ADAMTS16: variants seen among roughly 807,000 people sequenced by gnomAD.
The protein encoded by ADAMTS16 is A disintegrin and metalloproteinase with thrombospondin motifs 16.
In ADAMTS16, 94 loss-of-function variants were observed where a neutral mutation model predicts 145.8. The ratio of observed to expected loss-of-function variants is 0.64; its 90% CI spans 0.55 to 0.77. ADAMTS16 has a LOEUF of 0.77. Ranked by LOEUF, ADAMTS16 falls within the 30% of genes least tolerant of loss-of-function variation. The pLI is 0.00. For synonymous variants in ADAMTS16, 659 were observed against 604.3 expected, an observed-to-expected ratio of 1.09 and a Z score of -1.33; for missense variants, 1,585 against 1,591.5, an observed-to-expected ratio of 1.00 and a Z score of 0.07.
In ADAMTS16 at chr5:5,227,149, C is replaced by T. The variant is rs1260261418; in HGVS notation, c.1701+4265C>T. ...GGCTCAGAGCACATGGGTGCCTTCC[C>T]CAGGTCACGCAGCTCGCAGAGCAGA... On this transcript the variant is annotated intron_variant, in intron 11 of 22. Coordinates refer to ENST00000274181, the MANE Select transcript of ADAMTS16 (RefSeq NM_139056.4). Among the ~76,000 whole-genome samples the T allele has an allele frequency of 9.2e-5, 14 of 152,248 alleles. 1 individual carries two copies. Among genetic ancestry groups the T allele is most frequent in the Admixed American group, 8.5e-4 (13 of 15,286 alleles).
At chr5:5,300,942 T>G (rs1213150855) in intron 18 of ADAMTS16, among the ~76,000 whole-genome samples, 1 of 152,356 alleles carries the variant, frequency 6.6e-6, no homozygotes, top group Non-Finnish European at 1.5e-5. Flanking sequence ...TTGTATTTTC[T>G]TACTTAGATA....
At chr5:5,272,430 C>T (rs1163700907) in intron 18 of ADAMTS16, among the ~76,000 whole-genome samples, 7 of 145,634 alleles carry the variant, frequency 4.8e-5, no homozygotes, top group Admixed American at 1.4e-4. Flanking sequence ...GGCGCAATCT[C>T]GGCTCACTGC....
At chr5:5,219,972 T>G (rs1212818031) in intron 10 of ADAMTS16, among the ~76,000 whole-genome samples, 1 of 152,130 alleles carries the variant, frequency 6.6e-6, no homozygotes, top group Non-Finnish European at 1.5e-5. Context: ...ATCTTTGGCT[T>G]TTTATGATCA....
Position 5,180,964 on chromosome 5 carries a change from C to T in ADAMTS16, c.502-1080C>T, listed in dbSNP as rs146268738. The stretch of plus-strand genomic sequence containing the variant: ...TGTTTAATTATAATTATCATCAGTA[C>T]GTAACTCTAACTTTTAGTGGTTATA... On this transcript the variant is annotated intron_variant, in intron 3 of 22. Coordinates refer to ENST00000274181, the MANE Select transcript of ADAMTS16 (RefSeq NM_139056.4). Among the ~76,000 whole-genome samples, 60 of 152,236 alleles carry T rather than the reference C, an allele frequency of 3.9e-4. 1 individual carries two copies. The highest frequency in any genetic ancestry group is 2.5e-3 in the South Asian group (12 of 4,818).
intron 18 of ADAMTS16, among the ~76,000 whole-genome samples, chr5:5,268,904 G>A (rs1738360903): frequency 2.0e-5 from 3 of 152,096 alleles, no homozygotes; most frequent in Admixed American, 2.0e-4. Context: ...CTGGTGACCT[G>A]GAGAAGGACT....
intron 11 of ADAMTS16, among the ~76,000 whole-genome samples, chr5:5,225,750 C>T (rs1026656856): frequency 4.6e-5 from 7 of 152,050 alleles, no homozygotes; most frequent in East Asian, 1.9e-4. Flanking sequence ...ATTGAAGATT[C>T]GTGAGTATAA....
At chr5:5,267,900 C>T (rs530777271) in intron 18 of ADAMTS16, among the ~76,000 whole-genome samples, 29 of 152,312 alleles carry the variant, frequency 1.9e-4, no homozygotes, top group African/African-American at 6.3e-4. Context: ...GCTTTGTCCA[C>T]TAATACATCC....
At chr5:5,249,249 C>A (rs558990505) in intron 17 of ADAMTS16, among the ~76,000 whole-genome samples, 4 of 152,270 alleles carry the variant, frequency 2.6e-5, no homozygotes, top group Admixed American at 1.3e-4. Flanking sequence ...CCAAGAAAAA[C>A]CCTTTGAAAA....
intron 6 of ADAMTS16, among the ~76,000 whole-genome samples, chr5:5,188,107 C>T (rs556694788): frequency 1.3e-5 from 2 of 152,238 alleles, no homozygotes; most frequent in African/African-American, 4.8e-5. Flanking sequence ...GAATACACAG[C>T]ACAAAATATA....
chr5:5,165,599 T>A (rs2126533309), intron 3 of ADAMTS16, among the ~76,000 whole-genome samples: 1 of 152,296 alleles, frequency 6.6e-6, no homozygotes, highest in Middle Eastern at 3.4e-3. Context: ...AGAGACTGGA[T>A]ATCAACAGCA....
At chr5:5,175,635 G>T (rs1361989377) in intron 3 of ADAMTS16, among the ~76,000 whole-genome samples, 2 of 152,174 alleles carry the variant, frequency 1.3e-5, no homozygotes, top group Non-Finnish European at 2.9e-5. Context: ...TAGAACCTCA[G>T]AGCACTTTCA....
chr5:5,161,583 G>A (rs544043788), intron 3 of ADAMTS16, among the ~76,000 whole-genome samples: 3 of 152,344 alleles, frequency 2.0e-5, no homozygotes, highest in Admixed American at 6.5e-5. Flanking sequence ...GCCACCATGT[G>A]TGGTTGGATG....
intron 3 of ADAMTS16, among the ~76,000 whole-genome samples, chr5:5,175,127 G>A (rs1735151324): frequency 6.6e-6 from 1 of 152,196 alleles, no homozygotes; most frequent in East Asian, 1.9e-4. Context: ...CATGAAGCTA[G>A]CACATCTCTG....
In ADAMTS16 at chr5:5,192,375, G is replaced by T. The variant is rs569755090; in HGVS notation, c.1313+585G>T. 3.3e-5 allele frequency among the ~76,000 whole-genome samples: 5 copies of T among 152,296 alleles called. No homozygotes were observed. The South Asian group carries it at 1.0e-3, about 32-fold the overall frequency. Reference sequence around the variant, plus strand: ...CTCATTCCATGGTTAGCTGCTAACAGGGGACTCTAAATGATGAAGAACAGT... The same window carrying T: ...CTCATTCCATGGTTAGCTGCTAACATGGGACTCTAAATGATGAAGAACAGT... On this transcript the variant is annotated intron_variant, in intron 8 of 22. Transcript: ENST00000274181.
At chr5:5,305,239 C>A (rs1475058589) in intron 20 of ADAMTS16, among the ~76,000 whole-genome samples, 18 of 76,678 alleles carry the variant, frequency 2.3e-4, no homozygotes, top group African/African-American at 9.9e-4. Flanking sequence ...ACACCACACA[C>A]ACACAATCCC....
At chr5:5,214,390 A>G (rs865821912) in intron 10 of ADAMTS16, among the ~76,000 whole-genome samples, 1 of 152,038 alleles carries the variant, frequency 6.6e-6, no homozygotes, top group South Asian at 2.1e-4. Flanking sequence ...AACTTTATGT[A>G]TTTTCTTTTT....
rs1042225782 is a variant in ADAMTS16 at position 5,140,365 on chromosome 5, G to A, written c.-103G>A. 8.4e-7 allele frequency: 1 copy of A among 1,196,642 alleles called. No individual in the cohort carries two copies. The highest frequency in any genetic ancestry group is 1.6e-5 in the African/African-American group (1 of 61,618). The allele number at this position is 1,196,642 out of a possible 1,614,324, so 74.1% of individuals were successfully genotyped here. On this transcript the variant is annotated 5_prime_UTR_variant, in exon 1 of 23. Transcript: ENST00000274181. ...CCGGCGCGGCGGCGGAGTCGCTGTG[G>A]GGAATCCTCCCGCGCTCTGCCTGGG...
intron 8 of ADAMTS16, among the ~76,000 whole-genome samples, chr5:5,192,116 T>C (rs1448044452): frequency 6.6e-6 from 1 of 152,200 alleles, no homozygotes; most frequent in Admixed American, 6.5e-5. Flanking sequence ...CCCAAATAGA[T>C]GGAACTACAG....
chr5:5,269,285 A>C lies in ADAMTS16; in HGVS notation c.2789+6502A>C. On this transcript the variant is annotated intron_variant, in intron 18 of 22. Coordinates refer to ENST00000274181, the MANE Select transcript of ADAMTS16 (RefSeq NM_139056.4). The surrounding 1 kb of genome is among the most constrained non-coding windows in gnomAD (Gnocchi z 4.3). The stretch of plus-strand genomic sequence containing the variant: ...TGCTTCACCCTCGCTCCCCTATACT[A>C]CCCTGGTCACCTCAGCCTGGATACC... Among the ~76,000 whole-genome samples the C allele has an allele frequency of 6.6e-6, 1 of 151,152 alleles. No homozygotes were observed. Among genetic ancestry groups the C allele is most frequent in the East Asian group, 2.0e-4 (1 of 5,104 alleles).
Sources: allele counts gnomAD v4.1 joint callset (sites outside exome capture counted in the v4.1 genomes callset), GRCh38; gene constraint gnomAD v4.1.1; non-coding constraint Gnocchi (gnomAD v3.1); transcripts MANE v1.5; gene names NCBI Gene and HGNC (gene_info 2026-07-23, HGNC 2026-07-21).